Variants in SCRN1 observed in about 807,000 individuals in gnomAD.
The protein encoded by SCRN1 is secernin 1.
In SCRN1, 19 loss-of-function variants were observed where a neutral mutation model predicts 43.3. The ratio of observed to expected loss-of-function variants is 0.44; its 90% confidence interval spans 0.31 to 0.64. The LOEUF (loss-of-function observed/expected upper bound fraction) is 0.64, where lower values mean the gene tolerates loss of function less well. Among genes scored for constraint, SCRN1 ranks in the 30% least tolerant of loss-of-function variants. The probability of loss-of-function intolerance (pLI) is 0.09; values close to 1 mark genes in which losing one functional copy is unlikely to be tolerated. For missense variants in SCRN1, 447 were observed against 524.1 expected, an observed-to-expected ratio of 0.85 and a Z score of 1.44; for synonymous variants, 183 against 188.9, an observed-to-expected ratio of 0.97 and a Z score of 0.26.
chr7:29,969,156 A>G (rs896497102), intron 1 of SCRN1, 88 bp from the exon 2 acceptor site: 28 of 1,479,764 alleles, frequency 1.9e-5, no homozygotes, highest in Middle Eastern at 1.8e-4. Context: ...CACCAGCTAA[A>G]AGGGTTTTAC....
Position 29,989,788 on chromosome 7 carries a change from C to T in SCRN1, c.-148G>A, listed in dbSNP as rs1167677330. The stretch of plus-strand genomic sequence containing the variant: ...GCGGAGGCGGCCGCCGGGCGCTTCC[C>T]CCTACCCAGACTCCCGGCGCTGGGG... On this transcript the variant is annotated 5_prime_UTR_variant, in exon 1 of 8. Transcript: ENST00000242059. 1 of 988,228 alleles carries T rather than the reference C, an allele frequency of 1.0e-6. No homozygotes were observed. Among genetic ancestry groups the T allele is most frequent in the Non-Finnish European group, 1.2e-6 (1 of 832,314 alleles). The allele number at this position is 988,228 out of a possible 1,614,324, so 61.2% of individuals were successfully genotyped here.
intron 1 of SCRN1, among the ~76,000 whole-genome samples, chr7:29,975,348 A>C (rs778482137): frequency 1.2e-4 from 19 of 152,220 alleles, no homozygotes; most frequent in Non-Finnish European, 2.8e-4. Flanking sequence ...TTTGAGGCAT[A>C]ATTCTGAAGC....
At chr7:29,963,618 T>C (rs530473078) in intron 2 of SCRN1, among the ~76,000 whole-genome samples, 1 of 148,270 alleles carries the variant, frequency 6.7e-6, no homozygotes, top group East Asian at 2.0e-4. Context: ...AGCTTTACCC[T>C]ATGACCCAAT....
At chr7:29,952,518 C>T (rs4722965) in intron 3 of SCRN1, among the ~76,000 whole-genome samples, 122,996 of 152,034 alleles carry the variant, frequency 0.81, 49,870 homozygotes, top group East Asian at 0.94. Context: ...GGTGAAACCC[C>T]GTCCCTACTA....
intron 7 of SCRN1, among the ~76,000 whole-genome samples, chr7:29,925,872 A>G (rs1373462867): frequency 6.7e-6 from 1 of 150,000 alleles, no homozygotes; most frequent in Non-Finnish European, 1.5e-5. Context: ...AAAAAAAAAA[A>G]CCCTAGGAAT....
chr7:29,987,558 T>A (rs971288658), intron 1 of SCRN1, among the ~76,000 whole-genome samples: 2 of 152,222 alleles, frequency 1.3e-5, no homozygotes, highest in Admixed American at 1.3e-4. Context: ...ATAGAAACAG[T>A]TTCACCACTG....
intron 1 of SCRN1, among the ~76,000 whole-genome samples, chr7:29,983,317 G>C (rs1789050830): frequency 7.6e-6 from 1 of 132,260 alleles, no homozygotes; most frequent in African/African-American, 2.8e-5. Flanking sequence ...TGGGGGGAGG[G>C]GGGAGGGATA....
chr7:29,970,754 A>G (rs1420106766), intron 1 of SCRN1, among the ~76,000 whole-genome samples: 1 of 152,132 alleles, frequency 6.6e-6, no homozygotes, highest in Non-Finnish European at 1.5e-5. Context: ...TTCTCCCGCC[A>G]TGCCTCTGCA....
intron 3 of SCRN1, among the ~76,000 whole-genome samples, chr7:29,949,848 ATTTGTTTTGTAG>A: frequency 6.9e-6 from 1 of 145,218 alleles, no homozygotes; most frequent in South Asian, 2.2e-4. Context: ...TACAATTTGC[ATTTGTTTTGTAG>A]AAACAGGCTT....
At position 29,921,806 on chromosome 7, in the gene SCRN1, A is replaced by T. The variant is rs1363266340; in HGVS notation, c.*2151T>A. Reference sequence around the variant, plus strand: ...TCCATGGCCTTTGTTTGGCCCATAGAAATGAAAGGAGGCTTCTGTGTAATT... The same window carrying T: ...TCCATGGCCTTTGTTTGGCCCATAGTAATGAAAGGAGGCTTCTGTGTAATT... On this transcript the variant is annotated 3_prime_UTR_variant, in exon 8 of 8. Coordinates refer to ENST00000242059, the MANE Select transcript of SCRN1 (RefSeq NM_014766.5). The T allele has an allele frequency of 6.6e-6, 1 of 152,224 alleles. No individual in the cohort carries two copies. Among genetic ancestry groups the T allele is most frequent in the Non-Finnish European group, 1.5e-5 (1 of 68,038 alleles). The allele number at this position is 152,224 out of a possible 1,614,324, so 9.4% of individuals were successfully genotyped here.
At chr7:29,984,787 G>GGT (rs1789099025) in intron 1 of SCRN1, among the ~76,000 whole-genome samples, 1 of 145,790 alleles carries the variant, frequency 6.9e-6, no homozygotes, top group Non-Finnish European at 1.5e-5. Context: ...TGGGCGTGGT[G>GGT]GCAGACGCCT....
intron 1 of SCRN1, among the ~76,000 whole-genome samples, chr7:29,985,703 C>G (rs191950415): frequency 2.3e-3 from 343 of 152,310 alleles, no homozygotes; most frequent in Admixed American, 6.0e-3. Context: ...GTCCCCATGT[C>G]CTAGATCACC....
intron 6 of SCRN1, among the ~76,000 whole-genome samples, chr7:29,928,362 A>G (rs1215403682): frequency 6.6e-6 from 1 of 152,220 alleles, no homozygotes. Flanking sequence ...AACAGTAATG[A>G]GAAGTACTCT....
At chr7:29,938,164 G>T (rs1261519886) in intron 5 of SCRN1, among the ~76,000 whole-genome samples, 1 of 152,128 alleles carries the variant, frequency 6.6e-6, no homozygotes, top group African/African-American at 2.4e-5. Context: ...TGGTAGCTGG[G>T]ACTACAGGCA....
chr7:29,976,798 C>T (rs943081241), intron 1 of SCRN1, among the ~76,000 whole-genome samples: 1 of 152,218 alleles, frequency 6.6e-6, no homozygotes, highest in Non-Finnish European at 1.5e-5. Flanking sequence ...CTGGAGTTTA[C>T]TGCAAAGGAG....
intron 2 of SCRN1, among the ~76,000 whole-genome samples, chr7:29,958,351 G>T (rs755286980): frequency 6.6e-6 from 1 of 152,148 alleles, no homozygotes; most frequent in Non-Finnish European, 1.5e-5. Flanking sequence ...ACAAAATCAG[G>T]AACACTTACA....
chr7:29,947,609 C>T (rs1442063428), intron 3 of SCRN1, among the ~76,000 whole-genome samples: 3 of 152,222 alleles, frequency 2.0e-5, no homozygotes, highest in Non-Finnish European at 4.4e-5. Context: ...CTGCCAGGCC[C>T]TTCTGAGGTC....
At position 29,955,351 on chromosome 7, in the gene SCRN1, T is replaced by TGTAAGTGCACTGAAAAACAAACACAG; in HGVS notation, c.160-17_168dup (p.Ile57LeufsTer21). ...GTCCTTGGAACTTGGTCGATTGAAA[T>TGTAAGTGCACTGAAAAACAAACACAG]GTAAGTGCACTGAAAAACAAACACA... On this transcript the variant is annotated frameshift_variant, in exon 3 of 8. Transcript: ENST00000242059. LOFTEE classifies it high-confidence loss of function. 2.5e-6 allele frequency: 4 copies of TGTAAGTGCACTGAAAAACAAACACAG among 1,613,522 alleles called. No homozygotes were observed. The highest frequency in any genetic ancestry group is 2.5e-6 in the Non-Finnish European group (3 of 1,179,820).
intron 2 of SCRN1, among the ~76,000 whole-genome samples, chr7:29,958,815 A>G (rs1038483098): frequency 6.6e-6 from 1 of 152,204 alleles, no homozygotes; most frequent in Non-Finnish European, 1.5e-5. Flanking sequence ...ACATAACAAT[A>G]TAAGAATGCC....
Sources: allele counts gnomAD v4.1 joint callset (sites outside exome capture counted in the v4.1 genomes callset), GRCh38; gene constraint gnomAD v4.1.1; transcripts MANE v1.5; gene names NCBI Gene and HGNC (gene_info 2026-07-23, HGNC 2026-07-21).